QRSL1: variants seen among roughly 807,000 people sequenced by gnomAD.
The protein encoded by QRSL1 is glutaminyl-tRNA amidotransferase subunit QRSL1, also known as glutamyl-tRNA(Gln) amidotransferase subunit A, mitochondrial.
In QRSL1, 54 loss-of-function variants were observed where a neutral mutation model predicts 61.6. That is an observed-to-expected ratio of 0.88 (90% CI 0.70 to 1.10). QRSL1 has a LOEUF of 1.10. Among genes scored for constraint, QRSL1 ranks in the 50% least tolerant of loss-of-function variants. The probability of loss-of-function intolerance (pLI) is 0.00; values close to 1 mark genes in which losing one functional copy is unlikely to be tolerated. For missense variants in QRSL1, 505 were observed against 622.6 expected (o/e 0.81, Z 2.01); for synonymous variants, 228 against 225.7 (o/e 1.01, Z -0.09).
At chr6:106,655,058 T>A in intron 8 of QRSL1, 136 bp downstream of exon 8, 1 of 821,750 alleles carries the variant, frequency 1.2e-6, no homozygotes, top group Non-Finnish European at 1.9e-6. Context: ...TCATTTTACC[T>A]TTGTCATTTT....
chr6:106,662,985 A>G lies in QRSL1; in HGVS notation c.1166A>G (p.Tyr389Cys). 1.2e-6 allele frequency: 2 copies of G among 1,605,068 alleles called. No individual in the cohort carries two copies. Among genetic ancestry groups the G allele is most frequent in the South Asian group, 1.1e-5 (1 of 90,782 alleles). ...CACCTACTTTTTTCCCACAGAAACT[A>G]TGAAAATTATTTTGTCAAAGCACAG... ...SGNFFLLKEN[Y>C]ENYFVKAQKV... The change falls in exon 10 of 11, where the codon TAT becomes TGT. Residue 389 changes from tyrosine (Y) to cysteine (C), a missense_variant. Transcript: ENST00000369046.
chr6:106,647,110 A>G (rs947612519), intron 4 of QRSL1, among the ~76,000 whole-genome samples: 1 of 151,942 alleles, frequency 6.6e-6, no homozygotes, highest in Non-Finnish European at 1.5e-5. Context: ...TGCTACTAAA[A>G]AAGTGAAAAC....
At chr6:106,636,414 G>A (rs941982363) in intron 1 of QRSL1, among the ~76,000 whole-genome samples, 9 of 151,310 alleles carry the variant, frequency 5.9e-5, no homozygotes, top group Non-Finnish European at 8.8e-5. Context: ...TCTGCCTCCC[G>A]GGTTCAAGCG....
intron 4 of QRSL1, among the ~76,000 whole-genome samples, chr6:106,646,461 T>C (rs1022687129): frequency 1.3e-5 from 2 of 152,020 alleles, no homozygotes; most frequent in African/African-American, 2.4e-5. Context: ...TCTTCCAGGA[T>C]AAGAGATAAA....
chr6:106,667,124 A>G lies in QRSL1; in HGVS notation c.*1122A>G, dbSNP rs1303843696. On this transcript the variant is annotated 3_prime_UTR_variant, in exon 11 of 11. Coordinates refer to ENST00000369046, the MANE Select transcript of QRSL1 (RefSeq NM_018292.5). Reference sequence around the variant, plus strand: ...CCATCACAGATTGGAAACTTGGTAGATAGCAGAGCATGGTATTAGTGAAAA... The same window carrying G: ...CCATCACAGATTGGAAACTTGGTAGGTAGCAGAGCATGGTATTAGTGAAAA... 6.6e-6 allele frequency: 1 copy of G among 152,254 alleles called. No homozygotes were observed. Among genetic ancestry groups the G allele is most frequent in the African/African-American group, 2.4e-5 (1 of 41,466 alleles). 9.4% of individuals were successfully genotyped at this position (152,254 alleles called of 1,614,324 possible). A position where few individuals can be genotyped will look rare whatever the true frequency, so the allele number is the denominator to read the frequency against.
At chr6:106,663,970 T>G (rs2114719994) in intron 10 of QRSL1, among the ~76,000 whole-genome samples, 1 of 152,306 alleles carries the variant, frequency 6.6e-6, no homozygotes, top group East Asian at 1.9e-4. Flanking sequence ...ACAAACAACT[T>G]TGTTTTTACC....
At chr6:106,632,762 G>A (rs59238907) in intron 1 of QRSL1, among the ~76,000 whole-genome samples, 11,015 of 152,134 alleles carry the variant, frequency 0.072, 1,002 homozygotes, top group East Asian at 0.2. Flanking sequence ...TCTTTCTTTT[G>A]AGAAATGTCT....
chr6:106,630,409 T>G (rs1776797865), intron 1 of QRSL1, among the ~76,000 whole-genome samples: 1 of 152,236 alleles, frequency 6.6e-6, no homozygotes, highest in African/African-American at 2.4e-5. Flanking sequence ...TTATCTCATT[T>G]GCCTTTAGAT....
rs1298523172 is a variant in QRSL1 at position 106,629,583 on chromosome 6, CAATT to C, written c.-96_-93del. The C allele has an allele frequency of 3.5e-6, 5 of 1,436,906 alleles. No individual in the cohort carries two copies. Among genetic ancestry groups the C allele is most frequent in the Non-Finnish European group, 3.8e-6 (4 of 1,052,388 alleles). The allele number at this position is 1,436,906 out of a possible 1,614,324, so 89.0% of individuals were successfully genotyped here. A position where few individuals can be genotyped will look rare whatever the true frequency, so the allele number is the denominator to read the frequency against. ...TACTCGGTGTTGAAGGGCTCAGTGA[CAATT>C]AAAGATGGCTGCGCCCATGTAACAT... On this transcript the variant is annotated 5_prime_UTR_variant, in exon 1 of 11. Transcript: ENST00000369046.
rs1562171032 is a variant in QRSL1 at position 106,655,685 on chromosome 6, T to C, written c.1113T>C (p.Asp371=). The C allele has an allele frequency of 6.2e-7, 1 of 1,613,314 alleles. No homozygotes were observed. The highest frequency in any genetic ancestry group is 1.3e-5 in the African/African-American group (1 of 74,880). The change falls in exon 9 of 11, where the codon GAT becomes GAC. Residue 371 remains aspartate (D), a synonymous_variant. Coordinates refer to ENST00000369046, the MANE Select transcript of QRSL1 (RefSeq NM_018292.5). ...CAACCAGACGAGAAGGGTTTAATGATGTGGTGAGAGGAAGAATTCTCTCAG... is the reference window on the plus strand; with the variant it reads ...CAACCAGACGAGAAGGGTTTAATGACGTGGTGAGAGGAAGAATTCTCTCAG... ...YAATRREGFN[D]VVRGRILSGN...
At chr6:106,649,519 G>T (rs1777163482) in intron 5 of QRSL1, among the ~76,000 whole-genome samples, 1 of 152,044 alleles carries the variant, frequency 6.6e-6, no homozygotes, top group Non-Finnish European at 1.5e-5. Flanking sequence ...AATAATTTGA[G>T]TGTGTGCTCA....
intron 9 of QRSL1, among the ~76,000 whole-genome samples, chr6:106,661,872 CG>C (rs1777362358): frequency 6.6e-6 from 1 of 151,494 alleles, no homozygotes. Context: ...CCACCACGCC[CG>C]GCTAATTTGG....
intron 7 of QRSL1, 65 bp downstream of exon 7, chr6:106,652,647 G>A: frequency 6.2e-7 from 1 of 1,603,420 alleles, no homozygotes; most frequent in South Asian, 1.1e-5. Flanking sequence ...ACAGACTTGG[G>A]AGGCGGATTG....
intron 8 of QRSL1, 48 bp from the exon 9 acceptor site, chr6:106,655,567 C>A: frequency 6.9e-5 from 71 of 1,032,090 alleles, no homozygotes; most frequent in Non-Finnish European, 1.0e-4. Flanking sequence ...CAAAACTTTA[C>A]TGACTTTACT....
chr6:106,638,782 C>G (rs1368805138), intron 1 of QRSL1, among the ~76,000 whole-genome samples: 2 of 152,154 alleles, frequency 1.3e-5, no homozygotes, highest in East Asian at 3.8e-4. Context: ...TGACCTCTTC[C>G]CACTGCTTGT....
intron 8 of QRSL1, 130 bp downstream of exon 8, chr6:106,655,052 T>C (rs1777245670): frequency 2.4e-6 from 2 of 845,016 alleles, no homozygotes; most frequent in Non-Finnish European, 3.7e-6. Flanking sequence ...AGTGAATCAT[T>C]TTACCTTTGT....
At chr6:106,658,512 C>A (rs1403875269) in intron 9 of QRSL1, among the ~76,000 whole-genome samples, 1 of 152,084 alleles carries the variant, frequency 6.6e-6, no homozygotes, top group Admixed American at 6.6e-5. Flanking sequence ...TATAATCGCA[C>A]CGCTGCACTT....
At position 106,629,755 on chromosome 6, in the gene QRSL1, G is replaced by A. The variant is rs907169023; in HGVS notation, c.24+50G>A. The A allele has an allele frequency of 2.5e-6, 4 of 1,577,774 alleles. No homozygotes were observed. The South Asian group carries it at 3.5e-5, about 14-fold the overall frequency. ...CCCCCGGGAGGGCGGAAAGTTTAACGGACTTCGTTGACAAAGAGTCCCTGG... is the reference window on the plus strand; with the variant it reads ...CCCCCGGGAGGGCGGAAAGTTTAACAGACTTCGTTGACAAAGAGTCCCTGG... On this transcript the variant is annotated intron_variant, in intron 1 of 10. Coordinates refer to ENST00000369046, the MANE Select transcript of QRSL1 (RefSeq NM_018292.5).
chr6:106,645,378 A>C (rs1777091367), intron 4 of QRSL1, among the ~76,000 whole-genome samples: 1 of 152,066 alleles, frequency 6.6e-6, no homozygotes, highest in Non-Finnish European at 1.5e-5. Context: ...GATTTCCTGC[A>C]TATAAATTGT....
Sources: allele counts gnomAD v4.1 joint callset (sites outside exome capture counted in the v4.1 genomes callset), GRCh38; gene constraint gnomAD v4.1.1; transcripts MANE v1.5; gene names NCBI Gene and HGNC (gene_info 2026-07-23, HGNC 2026-07-21).